Variants in TAFA2 observed in about 807,000 individuals in gnomAD.
TAFA2 encodes the protein chemokine-like protein TAFA-2.
A neutral mutation model predicts 18.8 loss-of-function variants in TAFA2; 7 were observed. The observed-to-expected ratio is 0.37, with a 90% CI of 0.21 to 0.70. The LOEUF (loss-of-function observed/expected upper bound fraction) is 0.70. Ranked by LOEUF, TAFA2 falls within the 30% of genes least tolerant of loss-of-function variation. The pLI is 0.53. For missense variants in TAFA2, 122 were observed against 158.1 expected (o/e 0.77, Z 1.23); for synonymous variants, 60 against 54.2 (o/e 1.11, Z -0.47).
chr12:61,711,187 C>T (rs1260811413), intron 4 of TAFA2, among the ~76,000 whole-genome samples: 1 of 151,474 alleles, frequency 6.6e-6, no homozygotes, highest in Non-Finnish European at 1.5e-5. Flanking sequence ...ATACCTGATA[C>T]ATATATACAT....
intron 1 of TAFA2, among the ~76,000 whole-genome samples, chr12:62,114,607 T>C (rs1869880285): frequency 6.6e-6 from 1 of 152,206 alleles, no homozygotes; most frequent in Non-Finnish European, 1.5e-5. Context: ...AGACCTCCAA[T>C]TACCATTGCC....
chr12:62,024,679 T>A (rs971314492), intron 1 of TAFA2, among the ~76,000 whole-genome samples: 1 of 151,964 alleles, frequency 6.6e-6, no homozygotes, highest in Non-Finnish European at 1.5e-5. Context: ...ACAACCTTCA[T>A]AATGGGAGAA....
At chr12:61,833,317 C>G (rs1458702522) in intron 2 of TAFA2, among the ~76,000 whole-genome samples, 3 of 151,596 alleles carry the variant, frequency 2.0e-5, no homozygotes, top group Non-Finnish European at 2.9e-5. Flanking sequence ...CCAAACATAT[C>G]ACTCTTTGTC....
chr12:62,248,803 G>A (rs533469273), intron 1 of TAFA2, among the ~76,000 whole-genome samples: 1 of 152,114 alleles, frequency 6.6e-6, no homozygotes, highest in African/African-American at 2.4e-5. Flanking sequence ...ATTTTTAAGT[G>A]TGTGATTTAG....
intron 1 of TAFA2, among the ~76,000 whole-genome samples, chr12:61,912,783 C>T (rs1276223995): frequency 6.6e-6 from 1 of 152,152 alleles, no homozygotes; most frequent in African/African-American, 2.4e-5. Flanking sequence ...TGTGATAAAA[C>T]ACAGGTGAAT....
intron 2 of TAFA2, among the ~76,000 whole-genome samples, chr12:61,757,609 T>A (rs1278143176): frequency 6.6e-6 from 1 of 151,776 alleles, no homozygotes; most frequent in African/African-American, 2.4e-5. Context: ...GGAAAAGGTT[T>A]CACCAATAGA....
chr12:61,903,086 C>A (rs1195576435), intron 1 of TAFA2, among the ~76,000 whole-genome samples: 2 of 152,164 alleles, frequency 1.3e-5, no homozygotes, highest in Non-Finnish European at 2.9e-5. Flanking sequence ...CCACACAATT[C>A]TTTCTACTAA....
At chr12:62,143,635 C>T (rs1010649275) in intron 1 of TAFA2, among the ~76,000 whole-genome samples, 2 of 152,170 alleles carry the variant, frequency 1.3e-5, no homozygotes, top group African/African-American at 4.8e-5. Flanking sequence ...CAGCTTTCAG[C>T]AGTAGCCCTG....
At chr12:61,799,634 A>AAT (rs1320959874) in intron 2 of TAFA2, among the ~76,000 whole-genome samples, 4 of 152,162 alleles carry the variant, frequency 2.6e-5, no homozygotes, top group Non-Finnish European at 1.5e-5. Flanking sequence ...CATCCTGGCT[A>AAT]ACACGGTGAA....
intron 2 of TAFA2, among the ~76,000 whole-genome samples, chr12:61,755,869 A>G (rs1439183420): frequency 6.6e-6 from 1 of 152,122 alleles, no homozygotes; most frequent in Admixed American, 6.6e-5. Context: ...TTCTTCAAAT[A>G]GTAATCCTAC....
intron 1 of TAFA2, among the ~76,000 whole-genome samples, chr12:61,976,236 T>C (rs904457393): frequency 1.3e-5 from 2 of 151,852 alleles, no homozygotes; most frequent in African/African-American, 4.8e-5. Flanking sequence ...TTGGACTCAT[T>C]AATTACCCAA....
intron 1 of TAFA2, among the ~76,000 whole-genome samples, chr12:62,168,971 CAT>C (rs1491518801): frequency 6.6e-6 from 1 of 151,548 alleles, no homozygotes; most frequent in Non-Finnish European, 1.5e-5. Flanking sequence ...CACACACACA[CAT>C]ATTTTTAAAA....
At chr12:61,907,475 C>T (rs1281468768) in intron 1 of TAFA2, among the ~76,000 whole-genome samples, 4 of 152,182 alleles carry the variant, frequency 2.6e-5, no homozygotes, top group African/African-American at 9.7e-5. Context: ...GTTTGGGAAC[C>T]TCCACCTAGA....
chr12:61,908,169 G>A (rs1876444548), intron 1 of TAFA2, among the ~76,000 whole-genome samples: 1 of 152,058 alleles, frequency 6.6e-6, no homozygotes, highest in South Asian at 2.1e-4. Context: ...GATTTGGAAG[G>A]GGCCAGGGTG....
At chr12:62,088,874 T>TG (rs1231634559) in intron 1 of TAFA2, among the ~76,000 whole-genome samples, 1 of 136,258 alleles carries the variant, frequency 7.3e-6, no homozygotes, top group African/African-American at 2.7e-5. Flanking sequence ...CTACATATGT[T>TG]TTTCTTTCTC....
chr12:62,234,043 G>A, intron 1 of TAFA2, among the ~76,000 whole-genome samples: 1 of 152,190 alleles, frequency 6.6e-6, no homozygotes. Context: ...CTGCTCTGCA[G>A]AGGCAGGGTG....
chr12:61,734,203 AT>A (rs1006463919), intron 4 of TAFA2, among the ~76,000 whole-genome samples: 6 of 151,872 alleles, frequency 4.0e-5, no homozygotes. Flanking sequence ...TAGATACACA[AT>A]CATGTCATCT....
At chr12:61,992,181 C>A (rs956740347) in intron 1 of TAFA2, among the ~76,000 whole-genome samples, 10 of 152,114 alleles carry the variant, frequency 6.6e-5, no homozygotes, top group African/African-American at 2.4e-4. Flanking sequence ...GACACATAAC[C>A]TACTACTAGT....
Position 62,192,069 on chromosome 12 carries a change from C to A in TAFA2, c.-812G>T, listed in dbSNP as rs1345163720. ...CCCCCTCCAGACGCCCGCGTTCCTC[C>A]GTCCAGGTGCCCCTGTTCCCACTGC... On this transcript the variant is annotated 5_prime_UTR_variant, in exon 1 of 5. Coordinates refer to ENST00000416284, the MANE Select transcript of TAFA2 (RefSeq NM_178539.5). 2 of 152,556 alleles carry A rather than the reference C, an allele frequency of 1.3e-5. No individual in the cohort carries two copies. The highest frequency in any genetic ancestry group is 2.9e-5 in the Non-Finnish European group (2 of 68,376). 9.5% of individuals were successfully genotyped at this position (152,556 alleles called of 1,614,324 possible). A position where few individuals can be genotyped will look rare whatever the true frequency, so the allele number is the denominator to read the frequency against.
Sources: allele counts gnomAD v4.1 joint callset (sites outside exome capture counted in the v4.1 genomes callset), GRCh38; gene constraint gnomAD v4.1.1; transcripts MANE v1.5; gene names NCBI Gene and HGNC (gene_info 2026-07-23, HGNC 2026-07-21).